Variants in NR2C2 observed in about 807,000 individuals in gnomAD.
The protein encoded by NR2C2 is Nuclear hormone receptor TR4.
In NR2C2, 6 loss-of-function variants were observed where a neutral mutation model predicts 62.9. The observed-to-expected ratio is 0.10, with a 90% CI of 0.05 to 0.19. NR2C2 has a LOEUF of 0.19. NR2C2 is among the 10% of genes least tolerant of loss of function. The pLI, the probability that NR2C2 is intolerant of heterozygous loss-of-function variation, is 1.00. For synonymous variants in NR2C2, 272 were observed against 273.8 expected (o/e 0.99, Z 0.07); for missense variants, 479 against 762.7 (o/e 0.63, Z 4.38).
intron 1 of NR2C2, among the ~76,000 whole-genome samples, chr3:14,995,358 A>C (rs1559552498): frequency 2.1e-5 from 3 of 145,608 alleles, no homozygotes; most frequent in Non-Finnish European, 3.0e-5. Flanking sequence ...CTTAGCTCTC[A>C]CCCCCCAGCC....
At chr3:15,007,253 G>A (rs1439508424) in intron 2 of NR2C2, among the ~76,000 whole-genome samples, 1 of 151,322 alleles carries the variant, frequency 6.6e-6, no homozygotes, top group Non-Finnish European at 1.5e-5. Flanking sequence ...TCAGCCTGCC[G>A]AGTAGCTGGG....
chr3:14,984,115 C>T (rs189131330), intron 1 of NR2C2, among the ~76,000 whole-genome samples: 26 of 151,986 alleles, frequency 1.7e-4, no homozygotes, highest in African/African-American at 6.3e-4. Context: ...CTCGAACTCC[C>T]GACCTCAGGT....
chr3:15,000,972 G>A (rs1218088037), intron 1 of NR2C2, among the ~76,000 whole-genome samples: 1 of 151,198 alleles, frequency 6.6e-6, no homozygotes, highest in Non-Finnish European at 1.5e-5. Flanking sequence ...CCGTCACCAC[G>A]CCCGGCTAAT....
rs1210425570 is a variant in NR2C2, at chr3:15,044,926, A to G, written c.*1918A>G. On this transcript the variant is annotated 3_prime_UTR_variant, in exon 14 of 14. Coordinates refer to ENST00000425241, the MANE Select transcript of NR2C2 (RefSeq NM_001291694.2). Reference sequence around the variant, plus strand: ...TCTAAATTCTTGTTTGGATTTAATTATATCATTTTATAATTCTTGCCTTGG... The same window carrying G: ...TCTAAATTCTTGTTTGGATTTAATTGTATCATTTTATAATTCTTGCCTTGG... 2 of 152,236 alleles carry G rather than the reference A, an allele frequency of 1.3e-5. No individual in the cohort carries two copies. Among genetic ancestry groups the G allele is most frequent in the African/African-American group, 4.8e-5 (2 of 41,456 alleles). The allele number at this position is 152,236 out of a possible 1,614,324, so 9.4% of individuals were successfully genotyped here.
At position 15,028,483 on chromosome 3, in the gene NR2C2, C is replaced by T. The variant is rs756079506; in HGVS notation, c.799-103C>T. 378 of 1,096,826 alleles carry T rather than the reference C, an allele frequency of 3.4e-4. 1 individual carries two copies. The highest frequency in any genetic ancestry group is 4.4e-4 in the Non-Finnish European group (331 of 760,692). 67.9% of individuals were successfully genotyped at this position (1,096,826 alleles called of 1,614,324 possible). A position where few individuals can be genotyped will look rare whatever the true frequency, so the allele number is the denominator to read the frequency against. ...GTTGCCCCTTTGTAGTCACACTTCCCTCTCCTCGAAGCTGTTTTTGAACCA... is the reference window on the plus strand; with the variant it reads ...GTTGCCCCTTTGTAGTCACACTTCCTTCTCCTCGAAGCTGTTTTTGAACCA... On this transcript the variant is annotated intron_variant, in intron 7 of 13. Transcript: ENST00000425241.
intron 1 of NR2C2, among the ~76,000 whole-genome samples, chr3:14,994,977 C>CTTTT (rs71038447): frequency 2.4e-4 from 25 of 104,148 alleles, no homozygotes; most frequent in African/African-American, 9.2e-4. Flanking sequence ...ATACAATTCA[C>CTTTT]TTTTTTTTTT....
chr3:15,045,402 C>A lies in NR2C2; in HGVS notation c.*2394C>A, dbSNP rs924970873. 6.5e-6 allele frequency: 1 copy of A among 152,694 alleles called. No homozygotes were observed. The highest frequency in any genetic ancestry group is 6.5e-5 in the Admixed American group (1 of 15,286). 9.5% of individuals were successfully genotyped at this position (152,694 alleles called of 1,614,324 possible). A position where few individuals can be genotyped will look rare whatever the true frequency, so the allele number is the denominator to read the frequency against. On this transcript the variant is annotated 3_prime_UTR_variant, in exon 14 of 14. Coordinates refer to ENST00000425241, the MANE Select transcript of NR2C2 (RefSeq NM_001291694.2). Reference sequence around the variant, plus strand: ...AAGTGTTGGGCTGTGGTGAAACAACCTTGCAGAAAACGTGATTTTGCTTGG... The same window carrying A: ...AAGTGTTGGGCTGTGGTGAAACAACATTGCAGAAAACGTGATTTTGCTTGG...
At chr3:15,003,270 A>G (rs1341395310) in intron 1 of NR2C2, among the ~76,000 whole-genome samples, 1 of 152,030 alleles carries the variant, frequency 6.6e-6, no homozygotes, top group East Asian at 1.9e-4. Flanking sequence ...TTCTATCAAG[A>G]AAAAATATAT....
chr3:14,987,413 T>C (rs1477660278), intron 1 of NR2C2, among the ~76,000 whole-genome samples: 1 of 152,214 alleles, frequency 6.6e-6, no homozygotes, highest in African/African-American at 2.4e-5. Context: ...AAGAAAAATA[T>C]GAAGAACACC....
At chr3:15,037,209 T>TTTTGTGTGTGTGTGTGTG (rs776536753) in intron 11 of NR2C2, among the ~76,000 whole-genome samples, 1 of 130,240 alleles carries the variant, frequency 7.7e-6, no homozygotes, top group Non-Finnish European at 1.7e-5. Flanking sequence ...TGTTTTTTGT[T>TTTTGTGTGTGTGTGTGTG]TGTGTGTGTG....
chr3:14,964,485 C>CT (rs1354630411), intron 1 of NR2C2, among the ~76,000 whole-genome samples: 2 of 140,864 alleles, frequency 1.4e-5, no homozygotes, highest in African/African-American at 5.4e-5. Flanking sequence ...TTACTGTGGA[C>CT]TTTATTTTTT....
At chr3:14,963,979 G>C (rs1416724619) in intron 1 of NR2C2, among the ~76,000 whole-genome samples, 2 of 151,946 alleles carry the variant, frequency 1.3e-5, no homozygotes, top group African/African-American at 2.4e-5. Context: ...AGATAGATTT[G>C]ACAAATATTT....
chr3:14,959,104 G>T (rs2039614102), intron 1 of NR2C2: 1 of 152,200 alleles, frequency 6.6e-6, no homozygotes, highest in South Asian at 2.1e-4. Flanking sequence ...TTTTCTGGTG[G>T]TACTTTTTCA....
At chr3:15,006,264 AAG>A (rs1225557422) in intron 2 of NR2C2, among the ~76,000 whole-genome samples, 11 of 152,138 alleles carry the variant, frequency 7.2e-5, no homozygotes, top group Non-Finnish European at 1.5e-4. Context: ...ACTTAAGTAA[AAG>A]ATTTATTTAC....
chr3:15,018,599 C>T (rs115288821), intron 4 of NR2C2, among the ~76,000 whole-genome samples: 3,416 of 152,254 alleles, frequency 0.022, 67 homozygotes, highest in Non-Finnish European at 0.038. Context: ...TGCAGTGGCT[C>T]ATGCCTATAA....
intron 5 of NR2C2, among the ~76,000 whole-genome samples, chr3:15,022,398 CTTTTTTTTTTTT>C (rs71038450): frequency 1.1e-5 from 1 of 89,142 alleles, no homozygotes; most frequent in South Asian, 4.4e-4. Context: ...CTTTTTCTTT[CTTTTTTTTTTTT>C]TTTTTTTTTT....
At chr3:14,984,282 T>C (rs1015505133) in intron 1 of NR2C2, among the ~76,000 whole-genome samples, 5 of 152,206 alleles carry the variant, frequency 3.3e-5, no homozygotes, top group African/African-American at 1.2e-4. Flanking sequence ...CCCTGGTCAT[T>C]TTCACCAGAG....
chr3:14,984,903 T>A (rs1201741417), intron 1 of NR2C2, among the ~76,000 whole-genome samples: 1 of 152,132 alleles, frequency 6.6e-6, no homozygotes, highest in Non-Finnish European at 1.5e-5. Flanking sequence ...CTGCTTGCAG[T>A]GCAGGAGAGT....
Position 15,034,753 on chromosome 3 carries a change from G to A in NR2C2, c.1316G>A (p.Ser439Asn). 1 of 1,614,056 alleles carries A rather than the reference G, an allele frequency of 6.2e-7. No individual in the cohort carries two copies. The highest frequency in any genetic ancestry group is 8.5e-7 in the Non-Finnish European group (1 of 1,179,990). ...LGLAQCAQVM[S>N]LSTILAAIVN... ...CTGGCCCAGTGTGCCCAGGTCATGA[G>A]TCTCTCCACCATCCTGGCTGCCATT... The change falls in exon 11 of 14, where the codon AGT (serine) becomes AAT (asparagine). Residue 439 changes from serine to asparagine, a missense_variant. This residue lies in a region of NR2C2 where 162 missense variants were observed against 296.8 expected (regional missense o/e 0.55). Coordinates refer to ENST00000425241, the MANE Select transcript of NR2C2 (RefSeq NM_001291694.2).
Sources: gnomAD v4.1 joint callset for allele counts (sites outside exome capture counted in the v4.1 genomes callset) on GRCh38, gnomAD v4.1.1 for gene constraint, gnomAD v4.1.1 regional missense constraint, MANE v1.5 for transcripts, NCBI Gene and HGNC (gene_info 2026-07-23, HGNC 2026-07-21) for gene names.